Variants in COL4A2 observed in about 807,000 individuals in gnomAD.
COL4A2 encodes collagen alpha-2(IV) chain.
A neutral mutation model predicts 200.2 loss-of-function variants in COL4A2; 99 were observed. That is an observed-to-expected ratio of 0.49 (90% CI 0.42 to 0.58). The LOEUF is 0.58. COL4A2 is among the 20% of genes least tolerant of loss of function. COL4A2 has a pLI of 0.00. For missense variants in COL4A2, 1,950 were observed against 2,314.1 expected (o/e 0.84, Z 3.23); for synonymous variants, 897 against 900.6 (o/e 1.00, Z 0.07).
intron 4 of COL4A2, among the ~76,000 whole-genome samples, chr13:110,388,875 C>T (rs930297183): frequency 6.6e-6 from 1 of 152,224 alleles, no homozygotes; most frequent in Non-Finnish European, 1.5e-5. Context: ...AGGCCAGCTG[C>T]TTCAAAGCTG....
At chr13:110,449,628 G>C in intron 18 of COL4A2, 51 bp from the exon 19 acceptor site, 1 of 1,489,748 alleles carries the variant, frequency 6.7e-7, no homozygotes, top group South Asian at 1.3e-5. Context: ...CGCCAGCTGC[G>C]ATCCGTAGAC....
intron 18 of COL4A2, among the ~76,000 whole-genome samples, chr13:110,447,751 C>T (rs1238516710): frequency 1.6e-5 from 2 of 124,248 alleles, no homozygotes; most frequent in Admixed American, 7.7e-5. Flanking sequence ...GACTGAGTGA[C>T]GACGTGCAGA....
At position 110,321,476 on chromosome 13, in the gene COL4A2, C is replaced by T. The variant is rs115802697; in HGVS notation, c.99+13353C>T. 8.2e-3 allele frequency among the ~76,000 whole-genome samples: 1,249 copies of T among 152,250 alleles called. 20 individuals carry two copies. The highest frequency in any genetic ancestry group is 0.029 in the African/African-American group (1,190 of 41,546). ...ACAGAAATTCCATGTGCATTAAATA[C>T]CTCTGCATCCCATCCTTCCCCCACC... On this transcript the variant is annotated intron_variant, in intron 3 of 47. Transcript: ENST00000360467.
intron 4 of COL4A2, among the ~76,000 whole-genome samples, chr13:110,388,310 C>A (rs527635925): frequency 2.0e-5 from 3 of 152,228 alleles, no homozygotes; most frequent in African/African-American, 7.2e-5. Context: ...TGGGAGCACG[C>A]TGGTGACTTC....
At chr13:110,380,500 G>A (rs1012377085) in intron 4 of COL4A2, among the ~76,000 whole-genome samples, 11 of 152,108 alleles carry the variant, frequency 7.2e-5, no homozygotes, top group Admixed American at 5.9e-4. Context: ...CTGACTCATC[G>A]GATTCTCACA....
chr13:110,376,765 T>A (rs1878254687), intron 4 of COL4A2, among the ~76,000 whole-genome samples: 1 of 152,112 alleles, frequency 6.6e-6, no homozygotes, highest in Admixed American at 6.5e-5. Context: ...GGGGCCCTAC[T>A]TGTAATTCAA....
At chr13:110,353,256 C>T (rs1877040391) in intron 3 of COL4A2, among the ~76,000 whole-genome samples, 1 of 152,106 alleles carries the variant, frequency 6.6e-6, no homozygotes, top group Non-Finnish European at 1.5e-5. Context: ...TGGACCAGGG[C>T]CAGTGTTTCT....
At chr13:110,438,743 G>C in intron 15 of COL4A2, 75 bp downstream of exon 15, 3 of 1,592,508 alleles carry the variant, frequency 1.9e-6, no homozygotes, top group Non-Finnish European at 2.6e-6. Context: ...TTTTAGAGCT[G>C]TTTCAGATTC....
chr13:110,378,486 G>C (rs917287868), intron 4 of COL4A2, among the ~76,000 whole-genome samples: 1 of 152,198 alleles, frequency 6.6e-6, no homozygotes, highest in African/African-American at 2.4e-5. Flanking sequence ...TTTCCTCCGG[G>C]TCCCTCGCCT....
At chr13:110,455,235 G>C (rs559912018) in intron 20 of COL4A2, among the ~76,000 whole-genome samples, 36 of 152,238 alleles carry the variant, frequency 2.4e-4, no homozygotes, top group Non-Finnish European at 4.6e-4. Context: ...TAAAAGCCAA[G>C]TCCGGTTTCT....
chr13:110,446,303 G>A (rs1344148536), intron 17 of COL4A2, among the ~76,000 whole-genome samples: 2 of 152,182 alleles, frequency 1.3e-5, no homozygotes, highest in Admixed American at 6.5e-5. Flanking sequence ...GAACGCACCC[G>A]TGGGGAACCT....
rs1407703957 is a variant in COL4A2 at position 110,430,530 on chromosome 13, G to A, written c.586-15G>A. 2 of 1,613,974 alleles carry A rather than the reference G, an allele frequency of 1.2e-6. No individual in the cohort carries two copies. Among genetic ancestry groups the A allele is most frequent in the African/African-American group, 1.3e-5 (1 of 74,892 alleles). On this transcript the variant is annotated splice_polypyrimidine_tract_variant and intron_variant, in intron 9 of 47. Coordinates refer to ENST00000360467, the MANE Select transcript of COL4A2 (RefSeq NM_001846.4). Reference sequence around the variant, plus strand: ...TTACCTCTCTTAAAAACATTCTCCCGCTGCCTATCCATAGGGACCTCCCGG... The same window carrying A: ...TTACCTCTCTTAAAAACATTCTCCCACTGCCTATCCATAGGGACCTCCCGG...
In COL4A2 at chr13:110,508,238, C is replaced by T. The variant is rs1883957785; in HGVS notation, c.4881+17C>T. The stretch of plus-strand genomic sequence containing the variant: ...TTCCTCATGGTATGTGGTATTTGCC[C>T]AGTTCCCCTCCCCAACCACACCCTG... On this transcript the variant is annotated intron_variant, in intron 47 of 47. Coordinates refer to ENST00000360467, the MANE Select transcript of COL4A2 (RefSeq NM_001846.4). The surrounding 1 kb of genome is among the most constrained non-coding windows in gnomAD (Gnocchi z 6.1). The T allele has an allele frequency of 2.5e-6, 4 of 1,609,468 alleles. No individual in the cohort carries two copies. The highest frequency in any genetic ancestry group is 3.4e-6 in the Non-Finnish European group (4 of 1,176,406).
At chr13:110,504,015 T>A in intron 44 of COL4A2, 22 bp downstream of exon 44, 7 of 1,551,526 alleles carry the variant, frequency 4.5e-6, no homozygotes, top group Non-Finnish European at 5.2e-6. Context: ...AGCTGGGGCC[T>A]GGAGCCCCTC....
At chr13:110,427,184 T>C (rs897835435) in intron 6 of COL4A2, among the ~76,000 whole-genome samples, 4 of 152,194 alleles carry the variant, frequency 2.6e-5, no homozygotes, top group Non-Finnish European at 4.4e-5. Context: ...GACAGAGTCT[T>C]GTTCGCCCAG....
chr13:110,430,059 C>T lies in COL4A2; in HGVS notation c.549+103C>T, dbSNP rs141408898. On this transcript the variant is annotated intron_variant, in intron 8 of 47. Coordinates refer to ENST00000360467, the MANE Select transcript of COL4A2 (RefSeq NM_001846.4). ...AACTTTGCATGTAAGAATGAATGTA[C>T]TGAAGGCATGCCTAGAATGGCGGCA... is the stretch of plus-strand genomic sequence containing the variant. The T allele has an allele frequency of 2.2e-4, 264 of 1,185,392 alleles. 1 individual carries two copies. In the African/African-American group the frequency reaches 3.8e-3, roughly 17 times the overall value. The allele number at this position is 1,185,392 out of a possible 1,614,324, so 73.4% of individuals were successfully genotyped here. A position where few individuals can be genotyped will look rare whatever the true frequency, so the allele number is the denominator to read the frequency against.
intron 4 of COL4A2, among the ~76,000 whole-genome samples, chr13:110,369,100 A>G (rs1292008113): frequency 1.3e-5 from 2 of 152,166 alleles, no homozygotes; most frequent in Non-Finnish European, 2.9e-5. Context: ...AGTCCCAGCT[A>G]CTTGAGAGGT....
At chr13:110,372,064 G>A (rs572663562) in intron 4 of COL4A2, among the ~76,000 whole-genome samples, 1 of 152,250 alleles carries the variant, frequency 6.6e-6, no homozygotes, top group South Asian at 2.1e-4. Flanking sequence ...CACTCAGGGG[G>A]TTTCCAATTG....
chr13:110,370,726 G>A (rs1197916740), intron 4 of COL4A2, among the ~76,000 whole-genome samples: 1 of 152,196 alleles, frequency 6.6e-6, no homozygotes, highest in Non-Finnish European at 1.5e-5. Flanking sequence ...AATTGAAGGT[G>A]TTCTTCTGCC....
Sources: allele counts gnomAD v4.1 joint callset (sites outside exome capture counted in the v4.1 genomes callset), GRCh38; gene constraint gnomAD v4.1.1; non-coding constraint Gnocchi (gnomAD v3.1); transcripts MANE v1.5; gene names NCBI Gene and HGNC (gene_info 2026-07-23, HGNC 2026-07-21).